Variants in CSMD1 observed in about 807,000 individuals in gnomAD.
CSMD1 encodes CUB and Sushi multiple domains 1.
Under a neutral mutation model 417.5 loss-of-function variants are expected in CSMD1, and 213 were observed. The observed-to-expected ratio is 0.51, with a 90% CI of 0.46 to 0.57. The LOEUF (loss-of-function observed/expected upper bound fraction) is 0.57. CSMD1 is among the 20% of genes least tolerant of loss of function. The pLI is 0.00. For missense variants in CSMD1, 6,923 were observed against 4,529.7 expected, an observed-to-expected ratio of 1.53 and a Z score of -15.17; for synonymous variants, 2,862 against 1,736.8, an observed-to-expected ratio of 1.65 and a Z score of -16.11.
At chr8:3,628,541 C>G (rs1035645402) in intron 7 of CSMD1, among the ~76,000 whole-genome samples, 1 of 152,164 alleles carries the variant, frequency 6.6e-6, no homozygotes, top group South Asian at 2.1e-4. Context: ...TGATGAAAGC[C>G]AGAGCTGGTT....
chr8:3,095,601 C>T (rs983833352), intron 47 of CSMD1, among the ~76,000 whole-genome samples: 1 of 150,092 alleles, frequency 6.7e-6, no homozygotes, highest in Non-Finnish European at 1.5e-5. Context: ...CAATTTGACT[C>T]ATCAACTCAG....
Position 3,575,002 on chromosome 8 carries a change from A to T in CSMD1, c.1287T>A (p.Val429=), listed in dbSNP as rs745479817. The change falls in exon 10 of 70, where the codon GTT becomes GTA. Residue 429 remains valine, a synonymous_variant. Coordinates refer to ENST00000635120, the MANE Select transcript of CSMD1 (RefSeq NM_033225.6). ...SGVITSPNYP[V]QYEDNAHCVW... ...CACAGTGTGCATTATCTTCATACTG[A>T]ACCGGATAATTAGGGGAGGTAATGA... 1.2e-6 allele frequency: 2 copies of T among 1,613,358 alleles called. No homozygotes were observed. The highest frequency in any genetic ancestry group is 2.2e-5 in the South Asian group (2 of 91,040).
At chr8:4,160,578 T>C (rs1478314693) in intron 3 of CSMD1, among the ~76,000 whole-genome samples, 1 of 152,254 alleles carries the variant, frequency 6.6e-6, no homozygotes, top group Non-Finnish European at 1.5e-5. Context: ...TCATCTTGCA[T>C]GAGGCTGAAG....
intron 5 of CSMD1, among the ~76,000 whole-genome samples, chr8:3,980,429 G>A (rs1453698098): frequency 6.6e-6 from 1 of 152,076 alleles, no homozygotes; most frequent in Admixed American, 6.6e-5. Flanking sequence ...CTATGGTCAG[G>A]GAAATCTTCA....
chr8:3,374,366 A>T (rs62503509), intron 18 of CSMD1, among the ~76,000 whole-genome samples: 68,652 of 152,044 alleles, frequency 0.45, 15,787 homozygotes, highest in South Asian at 0.54. Flanking sequence ...ATGTTTTCCA[A>T]ACACTCATTG....
intron 3 of CSMD1, among the ~76,000 whole-genome samples, chr8:4,058,019 T>C (rs1424283630): frequency 6.6e-6 from 1 of 151,740 alleles, no homozygotes; most frequent in Non-Finnish European, 1.5e-5. Context: ...CAATGTGGGC[T>C]CTTTTTTGGT....
At chr8:4,307,796 C>T (rs1280378356) in intron 3 of CSMD1, among the ~76,000 whole-genome samples, 1 of 152,164 alleles carries the variant, frequency 6.6e-6, no homozygotes, top group Non-Finnish European at 1.5e-5. Context: ...GTTTACCTCT[C>T]TACACTACAG....
At chr8:3,879,053 G>A (rs1483709175) in intron 5 of CSMD1, among the ~76,000 whole-genome samples, 2 of 152,116 alleles carry the variant, frequency 1.3e-5, no homozygotes, top group South Asian at 2.1e-4. Flanking sequence ...AGTTCTCTAA[G>A]AACAGGGATA....
chr8:3,501,590 C>T (rs1796603218), intron 10 of CSMD1, among the ~76,000 whole-genome samples: 1 of 152,100 alleles, frequency 6.6e-6, no homozygotes, highest in South Asian at 2.1e-4. Context: ...CAACTCAGAA[C>T]ACACTGGAAG....
At chr8:3,295,598 A>G (rs1803905433) in intron 25 of CSMD1, among the ~76,000 whole-genome samples, 1 of 152,182 alleles carries the variant, frequency 6.6e-6, no homozygotes, top group Non-Finnish European at 1.5e-5. Flanking sequence ...ATTCCACTGT[A>G]CTGATGCAAG....
chr8:4,140,492 A>T (rs1803719797), intron 3 of CSMD1, among the ~76,000 whole-genome samples: 1 of 135,008 alleles, frequency 7.4e-6, no homozygotes, highest in Non-Finnish European at 1.7e-5. Context: ...AATCCATCTC[A>T]AAAACAAACA....
In CSMD1 at chr8:4,812,597, C is replaced by CT. The variant is rs1188345730; in HGVS notation, c.86-175040dup. On this transcript the variant is annotated intron_variant, in intron 1 of 69. Transcript: ENST00000635120. ...ATATATTAAAGTCAATCCAAGCAAG[C>CT]TTTTTTTAAAAAAACCTACATACAA... Among the ~76,000 whole-genome samples, 6 of 151,410 alleles carry CT rather than the reference C, an allele frequency of 4.0e-5. No individual in the cohort carries two copies. The East Asian group carries it at 6.1e-4, about 15-fold the overall frequency.
chr8:3,899,597 TA>T (rs2129132606), intron 5 of CSMD1, among the ~76,000 whole-genome samples: 1 of 152,308 alleles, frequency 6.6e-6, no homozygotes, highest in East Asian at 1.9e-4. Flanking sequence ...CAAGGATCAA[TA>T]TAGCTCCAAC....
intron 3 of CSMD1, among the ~76,000 whole-genome samples, chr8:4,233,676 G>T (rs4588875): frequency 6.6e-6 from 1 of 152,232 alleles, no homozygotes; most frequent in Non-Finnish European, 1.5e-5. Flanking sequence ...TGCTTTATAA[G>T]CTATCCAATG....
At chr8:4,786,745 T>C (rs1190988805) in intron 1 of CSMD1, among the ~76,000 whole-genome samples, 2 of 152,194 alleles carry the variant, frequency 1.3e-5, no homozygotes, top group African/African-American at 2.4e-5. Flanking sequence ...TTTATTTTTT[T>C]TTCTTAACAC....
At chr8:3,906,219 T>A (rs544591891) in intron 5 of CSMD1, among the ~76,000 whole-genome samples, 1 of 152,262 alleles carries the variant, frequency 6.6e-6, no homozygotes, top group South Asian at 2.1e-4. Context: ...TTATCTTGAT[T>A]GTGACCACAA....
At chr8:4,281,869 T>C (rs931749975) in intron 3 of CSMD1, among the ~76,000 whole-genome samples, 1 of 152,186 alleles carries the variant, frequency 6.6e-6, no homozygotes, top group Non-Finnish European at 1.5e-5. Flanking sequence ...ATTAAAAAAA[T>C]GTTTTGCAAA....
chr8:3,956,716 A>G (rs574948110), intron 5 of CSMD1, among the ~76,000 whole-genome samples: 4 of 152,232 alleles, frequency 2.6e-5, no homozygotes, highest in East Asian at 3.9e-4. Flanking sequence ...ACCCTACTCT[A>G]AGGAAGTTCA....
chr8:4,238,771 G>A (rs1385227248), intron 3 of CSMD1, among the ~76,000 whole-genome samples: 1 of 152,118 alleles, frequency 6.6e-6, no homozygotes, highest in African/African-American at 2.4e-5. Context: ...TACATTCCCA[G>A]TTGGGTAAAG....
Sources: allele counts gnomAD v4.1 joint callset (sites outside exome capture counted in the v4.1 genomes callset), GRCh38; gene constraint gnomAD v4.1.1; transcripts MANE v1.5; gene names NCBI Gene and HGNC (gene_info 2026-07-23, HGNC 2026-07-21).